The following DLC1 variants were observed in gnomAD, a reference collection of about 807,000 sequenced individuals.
DLC1 encodes rho GTPase-activating protein 7.
Under a neutral mutation model 140.3 loss-of-function variants are expected in DLC1, and 54 were observed. The ratio of observed to expected loss-of-function variants is 0.38; its 90% CI spans 0.31 to 0.48. The LOEUF is 0.48. Ranked by LOEUF, DLC1 falls within the 20% of genes least tolerant of loss-of-function variation. The pLI, the probability that DLC1 is intolerant of heterozygous loss-of-function variation, is 0.96. For missense variants in DLC1, 2,536 were observed against 1,907.0 expected, an observed-to-expected ratio of 1.33 and a Z score of -6.14; for synonymous variants, 986 against 728.1, an observed-to-expected ratio of 1.35 and a Z score of -5.70.
intron 1 of DLC1, among the ~76,000 whole-genome samples, chr8:13,540,720 G>C (rs116479495): frequency 6.6e-6 from 1 of 152,156 alleles, no homozygotes; most frequent in Non-Finnish European, 1.5e-5. Flanking sequence ...GTGAAGACAA[G>C]AGAAAAACCC....
intron 1 of DLC1, among the ~76,000 whole-genome samples, chr8:13,559,989 C>G (rs1804182709): frequency 6.6e-6 from 1 of 152,136 alleles, no homozygotes; most frequent in Non-Finnish European, 1.5e-5. Flanking sequence ...AATAAGGCAG[C>G]TATCTATTGG....
chr8:13,131,035 A>G (rs1008934572), intron 5 of DLC1, among the ~76,000 whole-genome samples: 3 of 152,160 alleles, frequency 2.0e-5, no homozygotes, highest in African/African-American at 7.2e-5. Context: ...AAATGTCTCA[A>G]AATAACTTTT....
intron 5 of DLC1, among the ~76,000 whole-genome samples, chr8:13,188,843 A>ATATATTTT (rs1247995559): frequency 3.3e-5 from 1 of 30,664 alleles, no homozygotes; most frequent in African/African-American, 1.1e-4. Flanking sequence ...ATATATATAT[A>ATATATTTT]TTTTTTTTTT....
chr8:13,342,096 T>A (rs548267613), intron 4 of DLC1: 1 of 152,332 alleles, frequency 6.6e-6, no homozygotes, highest in Admixed American at 6.5e-5. Flanking sequence ...AAACAAAAAC[T>A]ATTTCTGATC....
chr8:13,517,543 G>A (rs1422979628), upstream of DLC1, among the ~76,000 whole-genome samples: 1 of 152,092 alleles, frequency 6.6e-6, no homozygotes, highest in African/African-American at 2.4e-5. Context: ...GTCTTATAAA[G>A]GCTTTACCAA....
intron 5 of DLC1, among the ~76,000 whole-genome samples, chr8:13,195,797 A>G (rs1303736600): frequency 6.6e-6 from 1 of 152,196 alleles, no homozygotes; most frequent in Admixed American, 6.5e-5. Flanking sequence ...TGGCAGGAAC[A>G]TCGTGGTTGA....
intron 5 of DLC1, among the ~76,000 whole-genome samples, chr8:13,181,968 T>A (rs1826068366): frequency 6.6e-6 from 1 of 152,198 alleles, no homozygotes; most frequent in Non-Finnish European, 1.5e-5. Flanking sequence ...GTAAAAGTGT[T>A]CTTATTTCTC....
At chr8:13,448,607 C>A (rs967358939) in intron 2 of DLC1, among the ~76,000 whole-genome samples, 1 of 152,294 alleles carries the variant, frequency 6.6e-6, no homozygotes, top group African/African-American at 2.4e-5. Context: ...AGGTGATCCA[C>A]CTCAGCTTCC....
intron 5 of DLC1, among the ~76,000 whole-genome samples, chr8:13,155,821 C>T (rs971535404): frequency 6.6e-6 from 1 of 152,146 alleles, no homozygotes; most frequent in African/African-American, 2.4e-5. Flanking sequence ...GTAACTTTAA[C>T]TGAATATATT....
At chr8:13,379,148 T>C (rs1028003085) in intron 4 of DLC1, among the ~76,000 whole-genome samples, 35 of 152,186 alleles carry the variant, frequency 2.3e-4, no homozygotes, top group African/African-American at 8.4e-4. Flanking sequence ...GGTTCTTTAG[T>C]CTAAGTCTGA....
At chr8:13,185,445 C>G (rs1387154237) in intron 5 of DLC1, among the ~76,000 whole-genome samples, 1 of 151,824 alleles carries the variant, frequency 6.6e-6, no homozygotes, top group Admixed American at 6.6e-5. Context: ...CTAGCTGGGA[C>G]TACAGGCGCC....
At chr8:13,319,211 G>C (rs1207915680) in intron 4 of DLC1, among the ~76,000 whole-genome samples, 1 of 152,192 alleles carries the variant, frequency 6.6e-6, no homozygotes. Context: ...ACTCAGAAAA[G>C]TGAAAGTAAC....
At chr8:13,501,854 G>T (rs746249536) in intron 1 of DLC1, among the ~76,000 whole-genome samples, 1 of 152,118 alleles carries the variant, frequency 6.6e-6, no homozygotes, top group Admixed American at 6.6e-5. Flanking sequence ...GGGAGGCTAC[G>T]GAAAGTGGAA....
At chr8:13,173,332 G>A (rs1312347305) in intron 5 of DLC1, among the ~76,000 whole-genome samples, 4 of 149,974 alleles carry the variant, frequency 2.7e-5, no homozygotes, top group African/African-American at 9.8e-5. Context: ...ATGCTTCTAT[G>A]GAAACCAAAT....
chr8:13,113,754 A>C (rs1262611797), intron 6 of DLC1, among the ~76,000 whole-genome samples: 4 of 152,226 alleles, frequency 2.6e-5, no homozygotes, highest in African/African-American at 9.6e-5. Flanking sequence ...CTTCTCTCTA[A>C]AGGAAAGACA....
At chr8:13,352,649 G>T (rs1834730616) in intron 4 of DLC1, among the ~76,000 whole-genome samples, 2 of 152,016 alleles carry the variant, frequency 1.3e-5, no homozygotes, top group Non-Finnish European at 2.9e-5. Context: ...TTAGTAACTG[G>T]GACTACAGAG....
At chr8:13,198,314 C>A (rs185467394) in intron 5 of DLC1, among the ~76,000 whole-genome samples, 19 of 152,260 alleles carry the variant, frequency 1.2e-4, no homozygotes, top group Admixed American at 2.0e-4. Context: ...CATAGTTCTT[C>A]CATTTGTTTT....
intron 13 of DLC1, 127 bp downstream of exon 13, chr8:13,092,485 G>T: frequency 1.0e-6 from 1 of 985,906 alleles, no homozygotes; most frequent in Non-Finnish European, 1.5e-6. Context: ...TGTGAGAATG[G>T]ACTAATATAG....
Position 13,083,493 on chromosome 8 carries a change from C to A in DLC1, c.*2318G>T, listed in dbSNP as rs1289463576. 1 of 152,186 alleles carries A rather than the reference C, an allele frequency of 6.6e-6. No homozygotes were observed. The highest frequency in any genetic ancestry group is 1.9e-4 in the East Asian group (1 of 5,186). 9.4% of individuals were successfully genotyped at this position (152,186 alleles called of 1,614,324 possible). A position where few individuals can be genotyped will look rare whatever the true frequency, so the allele number is the denominator to read the frequency against. ...AGCTTACAATCTAGGCAATTAGTCA[C>A]ACAAATAAGTTGTGATGGCGCTCTA... On this transcript the variant is annotated 3_prime_UTR_variant, in exon 18 of 18. Transcript: ENST00000276297.
Sources: allele counts gnomAD v4.1 joint callset (sites outside exome capture counted in the v4.1 genomes callset), GRCh38; gene constraint gnomAD v4.1.1; transcripts MANE v1.5; gene names NCBI Gene and HGNC (gene_info 2026-07-23, HGNC 2026-07-21).